Variants in MICAL2 observed in about 807,000 individuals in gnomAD.
MICAL2 encodes the protein microtubule associated monooxygenase, calponin and LIM domain containing 2.
Under a neutral mutation model 127.3 loss-of-function variants are expected in MICAL2, and 77 were observed. That is an observed-to-expected ratio of 0.60 (90% CI 0.50 to 0.73). The LOEUF is 0.73. Among genes scored for constraint, MICAL2 ranks in the 30% least tolerant of loss-of-function variants. The probability of loss-of-function intolerance (pLI) is 0.00; values close to 1 mark genes in which losing one functional copy is unlikely to be tolerated. For synonymous variants in MICAL2, 570 were observed against 551.1 expected (o/e 1.03, Z -0.48); for missense variants, 1,351 against 1,434.4 (o/e 0.94, Z 0.94).
intron 18 of MICAL2, among the ~76,000 whole-genome samples, chr11:12,241,416 A>G (rs574459181): frequency 6.6e-6 from 1 of 152,376 alleles, no homozygotes; most frequent in South Asian, 2.1e-4. Context: ...TGCTAGGGAA[A>G]AATAAACTGT....
intron 17 of MICAL2, among the ~76,000 whole-genome samples, chr11:12,240,059 C>T: frequency 6.6e-6 from 1 of 152,208 alleles, no homozygotes; most frequent in Non-Finnish European, 1.5e-5. Context: ...GTACAAAGTC[C>T]ACAGTGAGAA....
chr11:12,137,386 G>C (rs975410282), intron 1 of MICAL2, among the ~76,000 whole-genome samples: 1 of 152,242 alleles, frequency 6.6e-6, no homozygotes, highest in Admixed American at 6.5e-5. Context: ...ATCCTGCCTT[G>C]CTGTAGGGGC....
intron 1 of MICAL2, among the ~76,000 whole-genome samples, chr11:12,119,751 G>C (rs1165630108): frequency 6.6e-6 from 1 of 152,194 alleles, no homozygotes; most frequent in Non-Finnish European, 1.5e-5. Context: ...TCCCAGGAGG[G>C]AGGAGGCCAC....
At position 12,332,773 on chromosome 11, in the gene MICAL2, C is replaced by T. The variant is rs143562998; in HGVS notation, c.5515+5507C>T. 9.1e-4 allele frequency among the ~76,000 whole-genome samples: 138 copies of T among 152,276 alleles called. No individual in the cohort carries two copies. In the Middle Eastern group the frequency reaches 0.01, roughly 11 times the overall value. On this transcript the variant is annotated intron_variant, in intron 32 of 34. Coordinates refer to the MICAL2 transcript ENST00000646065. ...TAGCAAGCAGTAAATGAGCCAATTC[C>T]CCTTTCCCAGGAAGCAAGTAGTTGT...
intron 15 of MICAL2, among the ~76,000 whole-genome samples, chr11:12,232,033 T>A (rs140060329): frequency 1.2e-4 from 18 of 152,348 alleles, no homozygotes; most frequent in African/African-American, 4.1e-4. Flanking sequence ...GGTAACAACA[T>A]GTACACCATT....
intron 22 of MICAL2, 199 bp from the exon 23 acceptor site, chr11:12,255,444 G>A (rs1297283417): frequency 5.2e-6 from 3 of 578,760 alleles, no homozygotes; most frequent in Non-Finnish European, 6.2e-6. Flanking sequence ...GCGGCCACAG[G>A]GTTTTATTTA....
At chr11:12,257,851 G>A (rs190197701) in intron 24 of MICAL2, among the ~76,000 whole-genome samples, 8 of 152,284 alleles carry the variant, frequency 5.3e-5, no homozygotes, top group African/African-American at 1.4e-4. Context: ...TCTGGAAGGC[G>A]CACAGTGGTC....
chr11:12,133,864 C>T (rs181474856), intron 1 of MICAL2, among the ~76,000 whole-genome samples: 12 of 152,292 alleles, frequency 7.9e-5, no homozygotes, highest in East Asian at 3.9e-4. Context: ...CTCAGGGCTG[C>T]GCTTTCCTCT....
intron 3 of MICAL2, among the ~76,000 whole-genome samples, chr11:12,163,142 C>G (rs959268019): frequency 1.3e-5 from 2 of 152,164 alleles, no homozygotes; most frequent in Admixed American, 6.5e-5. Flanking sequence ...CTGGTTGCAT[C>G]CCCCATCATT....
chr11:12,118,991 G>T (rs769583009), intron 1 of MICAL2, among the ~76,000 whole-genome samples: 2 of 152,132 alleles, frequency 1.3e-5, no homozygotes, highest in Non-Finnish European at 2.9e-5. Context: ...TTCTTTCCCT[G>T]CAGAAGGCAG....
At chr11:12,256,113 G>GT (rs754495184) in intron 23 of MICAL2, 1 of 191,738 alleles carries the variant, frequency 5.2e-6, no homozygotes, top group Non-Finnish European at 1.1e-5. Context: ...TGAGAAAAAG[G>GT]TCATGGGGAA....
chr11:12,189,707 A>G (rs1350414957), intron 3 of MICAL2, among the ~76,000 whole-genome samples: 3 of 152,164 alleles, frequency 2.0e-5, no homozygotes, highest in Non-Finnish European at 2.9e-5. Flanking sequence ...CCTGCCTTCC[A>G]TATGTGGGCT....
At chr11:12,140,490 C>A (rs543109225) in intron 2 of MICAL2, among the ~76,000 whole-genome samples, 15 of 147,284 alleles carry the variant, frequency 1.0e-4, no homozygotes, top group Middle Eastern at 3.5e-3. Flanking sequence ...AATGAGTGAA[C>A]TTTGGCTCTT....
intron 3 of MICAL2, among the ~76,000 whole-genome samples, chr11:12,178,034 C>T (rs912417890): frequency 1.3e-5 from 2 of 152,224 alleles, no homozygotes; most frequent in Non-Finnish European, 2.9e-5. Context: ...TAGGCAGCTT[C>T]AGGATGAAGG....
Position 12,223,450 on chromosome 11 carries a change from C to A in MICAL2, c.1489C>A (p.Pro497Thr). The A allele has an allele frequency of 6.2e-7, 1 of 1,613,998 alleles. No homozygotes were observed. The highest frequency in any genetic ancestry group is 8.5e-7 in the Non-Finnish European group (1 of 1,179,976). ...LYITKELEHY[P>T]LERLGSVRRS... Reference sequence around the variant, plus strand: ...TATCACTAAGGAGCTGGAGCACTACCCTCTCGAGAGACTGGGCTCGGTGAG... The same window carrying A: ...TATCACTAAGGAGCTGGAGCACTACACTCTCGAGAGACTGGGCTCGGTGAG... Residue 497 changes from proline to threonine, a missense_variant, in exon 12 of 28, where the codon CCT (proline) becomes ACT (threonine). Coordinates refer to ENST00000683283, the MANE Select transcript of MICAL2 (RefSeq NM_001282663.2).
intron 29 of MICAL2, among the ~76,000 whole-genome samples, chr11:12,319,137 A>C (rs1048513154): frequency 1.3e-5 from 2 of 151,774 alleles, no homozygotes; most frequent in African/African-American, 4.9e-5. Context: ...TTCTGATTAC[A>C]TTTGGGATTT....
rs531197188 is a variant in MICAL2 at position 12,202,612 on chromosome 11, G to A, written c.265-1638G>A. Among the ~76,000 whole-genome samples the A allele has an allele frequency of 1.5e-4, 23 of 152,250 alleles. No individual in the cohort carries two copies. In the East Asian group the frequency reaches 1.9e-3, roughly 13 times the overall value. ...CCTACCAGGCAGGATTAGCTTTTCCGTCTGGGCTCCAGAAAAAGACCAGCC... is the reference window on the plus strand; with the variant it reads ...CCTACCAGGCAGGATTAGCTTTTCCATCTGGGCTCCAGAAAAAGACCAGCC... On this transcript the variant is annotated intron_variant, in intron 3 of 27. Transcript: ENST00000683283.
At chr11:12,168,953 AAAAAAAAAAAG>A (rs1426750852) in intron 3 of MICAL2, among the ~76,000 whole-genome samples, 2 of 115,326 alleles carry the variant, frequency 1.7e-5, no homozygotes, top group African/African-American at 5.4e-5. Flanking sequence ...TCTCAAAAAA[AAAAAAAAAAAG>A]AAAAGAAAAG....
In MICAL2 at chr11:12,354,943, C is replaced by T. The variant is rs1002972612; in HGVS notation, c.5689+86C>T. The T allele has an allele frequency of 6.3e-6, 8 of 1,275,668 alleles. No individual in the cohort carries two copies. In the East Asian group the frequency reaches 1.7e-4, roughly 27 times the overall value. The allele number at this position is 1,275,668 out of a possible 1,614,324, so 79.0% of individuals were successfully genotyped here. ...GCCACAAATCCCAGAGTGGGGCGCTCTTCCTGCCTGCCAGCCTGCAAGTTA... is the reference window on the plus strand; with the variant it reads ...GCCACAAATCCCAGAGTGGGGCGCTTTTCCTGCCTGCCAGCCTGCAAGTTA... On this transcript the variant is annotated intron_variant, in intron 34 of 34. Transcript: ENST00000646065.
Sources: gnomAD v4.1 joint callset for allele counts (sites outside exome capture counted in the v4.1 genomes callset) on GRCh38, gnomAD v4.1.1 for gene constraint, MANE v1.5 for transcripts, NCBI Gene and HGNC (gene_info 2026-07-23, HGNC 2026-07-21) for gene names.